The following PCDHA5 variants were observed in gnomAD, a reference collection of about 807,000 sequenced individuals.
PCDHA5 encodes protocadherin alpha 5.
A neutral mutation model predicts 61.6 loss-of-function variants in PCDHA5; 43 were observed. The ratio of observed to expected loss-of-function variants is 0.70; its 90% CI spans 0.55 to 0.90. The LOEUF (loss-of-function observed/expected upper bound fraction) is 0.90. Among genes scored for constraint, PCDHA5 ranks in the 40% least tolerant of loss-of-function variants. The probability of loss-of-function intolerance (pLI) is 0.00; values close to 1 mark genes in which losing one functional copy is unlikely to be tolerated. For missense variants in PCDHA5, 1,298 were observed against 1,222.7 expected, an observed-to-expected ratio of 1.06 and a Z score of -0.92; for synonymous variants, 627 against 543.9, an observed-to-expected ratio of 1.15 and a Z score of -2.13.
chr5:140,969,190 T>C, intron 1 of PCDHA5: 2 of 1,614,072 alleles, frequency 1.2e-6, no homozygotes, highest in Non-Finnish European at 1.7e-6. Flanking sequence ...CTTTCATGTT[T>C]TACAATACAG....
At chr5:140,875,580 C>T (rs1381718234) in intron 1 of PCDHA5, 2 of 1,614,076 alleles carry the variant, frequency 1.2e-6, no homozygotes, top group East Asian at 2.2e-5. Flanking sequence ...ACTCCGTCTA[C>T]GAGGAGGCCA....
intron 1 of PCDHA5, chr5:140,829,211 G>C (rs2150163941): frequency 6.2e-7 from 1 of 1,614,206 alleles, no homozygotes; most frequent in Non-Finnish European, 8.5e-7. Flanking sequence ...CCTAATTAGC[G>C]TGAACGACCT....
At chr5:140,832,611 T>C (rs1288145538) in intron 1 of PCDHA5, among the ~76,000 whole-genome samples, 1 of 152,132 alleles carries the variant, frequency 6.6e-6, no homozygotes, top group Non-Finnish European at 1.5e-5. Context: ...TGCTAGTGAG[T>C]AAATGTTTTT....
intron 1 of PCDHA5, chr5:140,927,491 T>G (rs2084266726): frequency 1.2e-6 from 2 of 1,614,118 alleles, no homozygotes; most frequent in Non-Finnish European, 1.7e-6. Flanking sequence ...GCCACCCACC[T>G]GCTGGTGCTT....
In PCDHA5 at chr5:140,823,923, G is replaced by C; in HGVS notation, c.2148G>C (p.Leu716=). ...VSSLLVLTLL[L]YTALRCSAQP... is the part of the protein sequence containing the mutation. ...GCCTGCTGGTGCTCACGCTGCTGCT[G>C]TACACCGCGCTGCGGTGCTCGGCGC... Residue 716 remains leucine, a synonymous_variant, in exon 1 of 4, where the codon CTG becomes CTC. Coordinates refer to ENST00000529859, the MANE Select transcript of PCDHA5 (RefSeq NM_018908.3). The C allele has an allele frequency of 6.2e-7, 1 of 1,614,002 alleles. No homozygotes were observed. The highest frequency in any genetic ancestry group is 8.5e-7 in the Non-Finnish European group (1 of 1,179,950).
rs377044316 is a variant in PCDHA5 at position 140,883,116 on chromosome 5, G to A, written c.2352+58989G>A. 14 of 1,613,818 alleles carry A rather than the reference G, an allele frequency of 8.7e-6. No homozygotes were observed. The African/African-American group carries it at 1.9e-4, about 22-fold the overall frequency. On this transcript the variant is annotated intron_variant, in intron 1 of 3. Coordinates refer to ENST00000529859, the MANE Select transcript of PCDHA5 (RefSeq NM_018908.3). ...GGAGATATAGTTTACTCATTTAGAAGGCCTGTATGGCCTGCAGTGGTATAT... is the reference window on the plus strand; with the variant it reads ...GGAGATATAGTTTACTCATTTAGAAAGCCTGTATGGCCTGCAGTGGTATAT...
chr5:140,904,716 G>T, intron 1 of PCDHA5, among the ~76,000 whole-genome samples: 1 of 151,886 alleles, frequency 6.6e-6, no homozygotes. Context: ...ACCACATTCT[G>T]GCCAACATCT....
intron 1 of PCDHA5, among the ~76,000 whole-genome samples, chr5:140,933,345 A>G (rs1257404732): frequency 6.6e-6 from 1 of 151,960 alleles, no homozygotes; most frequent in Non-Finnish European, 1.5e-5. Flanking sequence ...AAAGATAAAC[A>G]CTTTATTTCT....
intron 3 of PCDHA5, among the ~76,000 whole-genome samples, chr5:140,990,307 A>C (rs1409511282): frequency 2.6e-5 from 4 of 152,132 alleles, no homozygotes; most frequent in Non-Finnish European, 5.9e-5. Flanking sequence ...TGTCTGTAAA[A>C]AACCAACCAA....
chr5:140,841,770 C>G (rs148555729), intron 1 of PCDHA5: 4 of 1,613,798 alleles, frequency 2.5e-6, no homozygotes, highest in African/African-American at 1.3e-5. Flanking sequence ...ATGCCAGACT[C>G]TCGGTTTCCG....
chr5:140,924,714 G>C (rs2081964744), intron 1 of PCDHA5, among the ~76,000 whole-genome samples: 1 of 151,860 alleles, frequency 6.6e-6, no homozygotes, highest in African/African-American at 2.4e-5. Context: ...GTGCAACATG[G>C]CGAAACCTCA....
chr5:140,856,229 C>CG (rs2043871917), intron 1 of PCDHA5: 1 of 1,597,818 alleles, frequency 6.3e-7, no homozygotes, highest in Non-Finnish European at 8.6e-7. Context: ...GCTGGTGCAG[C>CG]GCCTGTTCCG....
chr5:140,895,822 T>A (rs1353175200), intron 1 of PCDHA5, among the ~76,000 whole-genome samples: 1 of 152,084 alleles, frequency 6.6e-6, no homozygotes, highest in Non-Finnish European at 1.5e-5. Context: ...TTGTATTGTA[T>A]TTTTTTCAGA....
chr5:140,927,453 G>T, intron 1 of PCDHA5: 3 of 1,614,168 alleles, frequency 1.9e-6, no homozygotes, highest in Non-Finnish European at 2.5e-6. Context: ...AGTTGGTGTT[G>T]GAGAAAGCAC....
intron 1 of PCDHA5, chr5:140,968,755 A>G: frequency 6.2e-7 from 1 of 1,614,200 alleles, no homozygotes. Flanking sequence ...TGGTGGTCCG[A>G]GATAATGGAG....
intron 3 of PCDHA5, among the ~76,000 whole-genome samples, chr5:141,006,287 C>A (rs1407881243): frequency 6.6e-6 from 1 of 152,060 alleles, no homozygotes; most frequent in African/African-American, 2.4e-5. Flanking sequence ...TCTCAGCTCA[C>A]TGCAAGCTCC....
At position 140,843,365 on chromosome 5, in the gene PCDHA5, C is replaced by G. The variant is rs2150358343; in HGVS notation, c.2352+19238C>G. ...CCAGGCTCCAAAAGCGTCATCGAGGCAGTCGGCTGGCGTTTTGGGTCCGGA... is the reference window on the plus strand; with the variant it reads ...CCAGGCTCCAAAAGCGTCATCGAGGGAGTCGGCTGGCGTTTTGGGTCCGGA... On this transcript the variant is annotated intron_variant, in intron 1 of 3. Transcript: ENST00000529859. 3 of 1,595,994 alleles carry G rather than the reference C, an allele frequency of 1.9e-6. No individual in the cohort carries two copies. The highest frequency in any genetic ancestry group is 2.6e-6 in the Non-Finnish European group (3 of 1,165,606).
In PCDHA5 at chr5:141,010,204, C is replaced by G. The variant is rs1238256859; in HGVS notation, c.*267C>G. ...GACCCAAGTTTCCTTTCTCCTCCGC[C>G]GCAAAGGAGAGGCTTCCCAGCCCCG... On this transcript the variant is annotated 3_prime_UTR_variant, in exon 4 of 4. Transcript: ENST00000529859. 1.3e-5 allele frequency: 20 copies of G among 1,551,852 alleles called. No homozygotes were observed. Among genetic ancestry groups the G allele is most frequent in the Non-Finnish European group, 1.7e-5 (20 of 1,147,056 alleles).
chr5:140,852,875 C>A, intron 1 of PCDHA5: 1 of 937,156 alleles, frequency 1.1e-6, no homozygotes, highest in Non-Finnish European at 1.3e-6. Flanking sequence ...CATCAATAAT[C>A]ATAAAACGTA....
Sources: allele counts gnomAD v4.1 joint callset (sites outside exome capture counted in the v4.1 genomes callset), GRCh38; gene constraint gnomAD v4.1.1; transcripts MANE v1.5; gene names NCBI Gene and HGNC (gene_info 2026-07-23, HGNC 2026-07-21).